The following BAALC variants were observed in gnomAD, a reference collection of about 807,000 sequenced individuals.
BAALC encodes brain and acute leukemia cytoplasmic protein.
BAALC carries 9 observed loss-of-function variants against 15.5 expected under a neutral mutation model. The observed-to-expected ratio is 0.58, with a 90% confidence interval of 0.35 to 1.02. BAALC has a LOEUF of 1.02. BAALC is among the 50% of genes least tolerant of loss of function. The pLI, the probability that BAALC is intolerant of heterozygous loss-of-function variation, is 0.02. For missense variants in BAALC, 201 were observed against 192.4 expected (o/e 1.04, Z -0.27); for synonymous variants, 80 against 74.6 (o/e 1.07, Z -0.37).
At chr8:103,203,749 T>C (rs2130039481) in intron 1 of BAALC, among the ~76,000 whole-genome samples, 1 of 152,374 alleles carries the variant, frequency 6.6e-6, no homozygotes, top group South Asian at 2.1e-4. Flanking sequence ...TGTCGTAGTA[T>C]ATATCAGTAC....
intron 1 of BAALC, among the ~76,000 whole-genome samples, chr8:103,197,626 C>T (rs1283026785): frequency 2.0e-5 from 3 of 152,118 alleles, no homozygotes; most frequent in East Asian, 1.9e-4. Context: ...TTAATTGGCT[C>T]ATGGTTCTGC....
chr8:103,154,266 T>C (rs1449436126), intron 1 of BAALC, among the ~76,000 whole-genome samples: 2 of 152,110 alleles, frequency 1.3e-5, no homozygotes, highest in Admixed American at 1.3e-4. Context: ...CTTGTCTAAA[T>C]GTACACGGGC....
chr8:103,186,713 A>G (rs1811845903), intron 1 of BAALC, among the ~76,000 whole-genome samples: 1 of 152,198 alleles, frequency 6.6e-6, no homozygotes, highest in Non-Finnish European at 1.5e-5. Flanking sequence ...CATGCCCCAG[A>G]AATAGAGAAA....
At chr8:103,186,928 G>C (rs1811851341) in intron 1 of BAALC, among the ~76,000 whole-genome samples, 1 of 152,192 alleles carries the variant, frequency 6.6e-6, no homozygotes, top group Non-Finnish European at 1.5e-5. Flanking sequence ...AAAGCAGTGA[G>C]CTCAGAGAGC....
At chr8:103,152,490 AC>A (rs1811007658) in intron 1 of BAALC, among the ~76,000 whole-genome samples, 1 of 151,904 alleles carries the variant, frequency 6.6e-6, no homozygotes, top group Non-Finnish European at 1.5e-5. Context: ...TTCCTTCCTA[AC>A]ACCACTGCCT....
At chr8:103,152,267 T>A (rs1184397409) in intron 1 of BAALC, among the ~76,000 whole-genome samples, 1 of 152,104 alleles carries the variant, frequency 6.6e-6, no homozygotes, top group Admixed American at 6.5e-5. Context: ...CTCTGCTCTG[T>A]TTTTTGCTCA....
At chr8:103,224,701 G>A (rs1812764778) in intron 2 of BAALC, among the ~76,000 whole-genome samples, 1 of 152,096 alleles carries the variant, frequency 6.6e-6, no homozygotes, top group Admixed American at 6.5e-5. Context: ...AAAAAAGGAA[G>A]GGGAAAGGGG....
chr8:103,192,918 T>C (rs936307938), intron 1 of BAALC, among the ~76,000 whole-genome samples: 1 of 152,184 alleles, frequency 6.6e-6, no homozygotes, highest in African/African-American at 2.4e-5. Flanking sequence ...GCATCCCAGA[T>C]ATCACCACCA....
At chr8:103,196,414 G>A (rs1046957203) in intron 1 of BAALC, among the ~76,000 whole-genome samples, 1 of 152,092 alleles carries the variant, frequency 6.6e-6, no homozygotes, top group African/African-American at 2.4e-5. Context: ...CCAAATAGCT[G>A]GGACTACGGG....
intron 1 of BAALC, among the ~76,000 whole-genome samples, chr8:103,161,996 T>C (rs1811237001): frequency 1.3e-5 from 2 of 152,172 alleles, no homozygotes; most frequent in Admixed American, 1.3e-4. Context: ...GGTTTTGCTC[T>C]GTCACCCAGG....
chr8:103,221,350 CA>C (rs1442857850), intron 2 of BAALC, among the ~76,000 whole-genome samples: 1 of 151,994 alleles, frequency 6.6e-6, no homozygotes, highest in Non-Finnish European at 1.5e-5. Flanking sequence ...TAACAAGAGT[CA>C]ATGGTGATAA....
At chr8:103,212,876 C>A in intron 1 of BAALC, 43 bp from the exon 2 acceptor site, 1 of 1,559,816 alleles carries the variant, frequency 6.4e-7, no homozygotes, top group Non-Finnish European at 8.7e-7. Context: ...CAACATCTGC[C>A]ATGTGCAAGC....
Position 103,198,071 on chromosome 8 carries a change from AT to A in BAALC, c.161-14841del, listed in dbSNP as rs1196120181. 7 of 693,642 alleles carry A rather than the reference AT, an allele frequency of 1.0e-5. No individual in the cohort carries two copies. In the East Asian group the frequency reaches 1.6e-4, roughly 16 times the overall value. The allele number at this position is 693,642 out of a possible 1,614,324, so 43.0% of individuals were successfully genotyped here. On this transcript the variant is annotated intron_variant, in intron 1 of 2. Transcript: ENST00000309982. The stretch of plus-strand genomic sequence containing the variant: ...CCACAGTTTCTTACGAACAACTATA[AT>A]TTTTTTCCATCTACATGTACTGTTA...
intron 1 of BAALC, among the ~76,000 whole-genome samples, chr8:103,158,401 A>T (rs1811146954): frequency 6.6e-6 from 1 of 152,236 alleles, no homozygotes; most frequent in African/African-American, 2.4e-5. Context: ...AGCCACAATT[A>T]GTACAAAACC....
In BAALC at chr8:103,163,244, C is replaced by T. The variant is rs540894005; in HGVS notation, c.160+22187C>T. 2.0e-5 allele frequency among the ~76,000 whole-genome samples: 3 copies of T among 152,224 alleles called. No individual in the cohort carries two copies. The East Asian group carries it at 5.8e-4, about 29-fold the overall frequency. ...TTCCTCTTTCATGATTTGTCCCATG[C>T]TCTACCCACGTCTCTTCACGCCCTT... On this transcript the variant is annotated intron_variant, in intron 1 of 2. Transcript: ENST00000309982.
chr8:103,212,635 G>A (rs1812472089), intron 1 of BAALC, among the ~76,000 whole-genome samples: 3 of 152,140 alleles, frequency 2.0e-5, no homozygotes, highest in Non-Finnish European at 4.4e-5. Flanking sequence ...GTAAATAAAT[G>A]ATGACATAGA....
At chr8:103,185,756 A>C (rs1239576738) in intron 1 of BAALC, among the ~76,000 whole-genome samples, 1 of 152,216 alleles carries the variant, frequency 6.6e-6, no homozygotes, top group Middle Eastern at 3.2e-3. Context: ...TCATTTGAGA[A>C]AGGATTATCA....
At position 103,230,134 on chromosome 8, in the gene BAALC, G is replaced by A. The variant is rs1358115239; in HGVS notation, c.*2035G>A. On this transcript the variant is annotated 3_prime_UTR_variant, in exon 3 of 3. Coordinates refer to ENST00000309982, the MANE Select transcript of BAALC (RefSeq NM_024812.3). Reference sequence around the variant, plus strand: ...AGGGCACATGATCTGGCCCTCCCCAGAACAATCTGGATTTCACGGAGACAG... The same window carrying A: ...AGGGCACATGATCTGGCCCTCCCCAAAACAATCTGGATTTCACGGAGACAG... 6.6e-6 allele frequency: 1 copy of A among 152,198 alleles called. No individual in the cohort carries two copies. Among genetic ancestry groups the A allele is most frequent in the Non-Finnish European group, 1.5e-5 (1 of 68,038 alleles). The allele number at this position is 152,198 out of a possible 1,614,324, so 9.4% of individuals were successfully genotyped here. A position where few individuals can be genotyped will look rare whatever the true frequency, so the allele number is the denominator to read the frequency against.
chr8:103,151,450 G>T (rs1226297419), intron 1 of BAALC, among the ~76,000 whole-genome samples: 1 of 152,126 alleles, frequency 6.6e-6, no homozygotes, highest in Admixed American at 6.5e-5. Flanking sequence ...AAGTACAAAG[G>T]GCTTAGTGTT....
Sources: allele counts gnomAD v4.1 joint callset (sites outside exome capture counted in the v4.1 genomes callset), GRCh38; gene constraint gnomAD v4.1.1; transcripts MANE v1.5; gene names NCBI Gene and HGNC (gene_info 2026-07-23, HGNC 2026-07-21).